DENND1A: variants seen among roughly 807,000 people sequenced by gnomAD.
DENND1A encodes DENN domain containing 1A.
In DENND1A, 51 loss-of-function variants were observed where a neutral mutation model predicts 113.7. The observed-to-expected ratio is 0.45, with a 90% CI of 0.36 to 0.57. The LOEUF (loss-of-function observed/expected upper bound fraction) is 0.57, where lower values mean the gene tolerates loss of function less well. DENND1A is among the 20% of genes least tolerant of loss of function. The pLI is 0.00. For missense variants in DENND1A, 1,258 were observed against 1,395.9 expected, an observed-to-expected ratio of 0.90 and a Z score of 1.57; for synonymous variants, 565 against 570.8, an observed-to-expected ratio of 0.99 and a Z score of 0.14.
At chr9:123,576,046 C>A (rs868388301) in intron 12 of DENND1A, among the ~76,000 whole-genome samples, 2 of 152,194 alleles carry the variant, frequency 1.3e-5, no homozygotes, top group Non-Finnish European at 2.9e-5. Flanking sequence ...TCTTTCCCCA[C>A]AAAATGTTTT....
At chr9:123,426,974 C>A (rs1218782325) in intron 19 of DENND1A, among the ~76,000 whole-genome samples, 1 of 152,176 alleles carries the variant, frequency 6.6e-6, no homozygotes, top group Non-Finnish European at 1.5e-5. Context: ...TCTGCCTAGT[C>A]CTTGAAGCAG....
At chr9:123,525,706 T>A (rs1468748316) in intron 13 of DENND1A, among the ~76,000 whole-genome samples, 2 of 151,066 alleles carry the variant, frequency 1.3e-5, no homozygotes, top group African/African-American at 4.9e-5. Context: ...TCCCCCAGCA[T>A]TAGGGCCAAA....
chr9:123,463,799 C>A (rs983091302), intron 13 of DENND1A, among the ~76,000 whole-genome samples: 15 of 150,482 alleles, frequency 1.0e-4, no homozygotes, highest in Non-Finnish European at 2.1e-4. Flanking sequence ...ATCCCAAATA[C>A]TTGGGAGGCT....
At chr9:123,835,680 A>G (rs2132863245) in intron 2 of DENND1A, among the ~76,000 whole-genome samples, 1 of 152,122 alleles carries the variant, frequency 6.6e-6, no homozygotes, top group Non-Finnish European at 1.5e-5. Flanking sequence ...AAAAAAAGAA[A>G]AAACCTGAGT....
intron 2 of DENND1A, among the ~76,000 whole-genome samples, chr9:123,858,859 CA>C (rs939881511): frequency 7.2e-5 from 11 of 152,150 alleles, no homozygotes; most frequent in South Asian, 4.1e-4. Flanking sequence ...TAAAAATACA[CA>C]TGTAAACCGA....
chr9:123,501,844 T>C (rs1384155616), intron 13 of DENND1A, among the ~76,000 whole-genome samples: 1 of 152,224 alleles, frequency 6.6e-6, no homozygotes, highest in African/African-American at 2.4e-5. Flanking sequence ...TCGTGCTAGA[T>C]TGTTTCCTAG....
At chr9:123,745,603 T>C (rs1471331901) in intron 5 of DENND1A, among the ~76,000 whole-genome samples, 2 of 152,260 alleles carry the variant, frequency 1.3e-5, no homozygotes, top group Non-Finnish European at 2.9e-5. Flanking sequence ...ACGATATACA[T>C]GTCCTATGAC....
chr9:123,907,269 A>G (rs1853030289), intron 1 of DENND1A, among the ~76,000 whole-genome samples: 1 of 142,248 alleles, frequency 7.0e-6, no homozygotes. Context: ...ATGGGCAAAA[A>G]CTGGAAGCAT....
intron 21 of DENND1A, among the ~76,000 whole-genome samples, chr9:123,390,587 CATCT>C (rs2042789347): frequency 6.6e-6 from 1 of 152,258 alleles, no homozygotes; most frequent in Non-Finnish European, 1.5e-5. Context: ...TCCACCCATC[CATCT>C]GTCCATCTGT....
Position 123,382,337 on chromosome 9 carries a change from C to G in DENND1A, c.2308G>C (p.Glu770Gln). ...IPRPQGRKTP[E>Q]LGIVPPPPIP... Reference sequence around the variant, plus strand: ...GGCGGTGGAGGCACGATGCCCAGCTCTGGGGTCTTCCTGCCTTGGGGCCGG... The same window carrying G: ...GGCGGTGGAGGCACGATGCCCAGCTGTGGGGTCTTCCTGCCTTGGGGCCGG... The change falls in exon 24 of 24, where the codon GAG (glutamate) becomes CAG (glutamine). Residue 770 changes from glutamate to glutamine, a missense_variant. Physicochemically the swap from Glu to Gln is conservative, Grantham distance 29. Around this residue, in one of 2 missense-constraint regions of DENND1A, gnomAD observed 1,159 missense variants for 1,231.7 expected, o/e 0.94. Transcript: ENST00000394215. The G allele has an allele frequency of 6.2e-7, 1 of 1,606,840 alleles. No individual in the cohort carries two copies. Among genetic ancestry groups the G allele is most frequent in the South Asian group, 1.1e-5 (1 of 90,144 alleles).
At chr9:123,478,848 G>A (rs762267892) in intron 13 of DENND1A, among the ~76,000 whole-genome samples, 2 of 152,204 alleles carry the variant, frequency 1.3e-5, no homozygotes, top group African/African-American at 2.4e-5. Flanking sequence ...CAAGGGATGC[G>A]AGTGGTAGCT....
intron 19 of DENND1A, among the ~76,000 whole-genome samples, chr9:123,417,172 C>A (rs949757341): frequency 6.6e-6 from 1 of 152,138 alleles, no homozygotes; most frequent in Non-Finnish European, 1.5e-5. Context: ...TACAGCCGCA[C>A]GAGGTTCTGG....
intron 2 of DENND1A, among the ~76,000 whole-genome samples, chr9:123,815,491 A>T (rs1158102604): frequency 2.0e-5 from 3 of 152,264 alleles, no homozygotes; most frequent in Non-Finnish European, 4.4e-5. Flanking sequence ...ACTGTGCTAC[A>T]GACCAGAAAT....
chr9:123,540,025 C>G (rs1273475237), intron 13 of DENND1A, among the ~76,000 whole-genome samples: 3 of 152,154 alleles, frequency 2.0e-5, no homozygotes, highest in African/African-American at 7.2e-5. Context: ...GCCAACACTT[C>G]TTTGTAAACA....
At chr9:123,756,267 T>G (rs1394586513) in intron 5 of DENND1A, among the ~76,000 whole-genome samples, 3 of 152,166 alleles carry the variant, frequency 2.0e-5, no homozygotes, top group Non-Finnish European at 2.9e-5. Flanking sequence ...TGTGTGAGGG[T>G]ACCAGTACCC....
intron 13 of DENND1A, among the ~76,000 whole-genome samples, chr9:123,519,912 C>T (rs2054249929): frequency 6.6e-6 from 1 of 152,082 alleles, no homozygotes; most frequent in African/African-American, 2.4e-5. Flanking sequence ...GTCATCTCAG[C>T]ACTTTGGGAG....
At chr9:123,517,911 G>C (rs1204379927) in intron 13 of DENND1A, among the ~76,000 whole-genome samples, 1 of 152,180 alleles carries the variant, frequency 6.6e-6, no homozygotes, top group African/African-American at 2.4e-5. Context: ...GGAAATGTGA[G>C]TGACCTTTCT....
chr9:123,809,486 C>T (rs905000365), intron 2 of DENND1A, among the ~76,000 whole-genome samples: 2 of 151,708 alleles, frequency 1.3e-5, no homozygotes, highest in African/African-American at 4.9e-5. Context: ...CAACTCATTG[C>T]TTTGGTAAAA....
chr9:123,591,842 G>C (rs988856875), intron 11 of DENND1A, among the ~76,000 whole-genome samples: 1 of 152,184 alleles, frequency 6.6e-6, no homozygotes, highest in South Asian at 2.1e-4. Context: ...TAATAATAAC[G>C]ATGGCAATGA....
Sources: allele counts gnomAD v4.1 joint callset (sites outside exome capture counted in the v4.1 genomes callset), GRCh38; gene constraint gnomAD v4.1.1; regional missense constraint gnomAD v4.1.1; transcripts MANE v1.5; gene names NCBI Gene and HGNC (gene_info 2026-07-23, HGNC 2026-07-21).